KANK4: variants seen among roughly 807,000 people sequenced by gnomAD.
KANK4 encodes KN motif and ankyrin repeat domain-containing protein 4.
KANK4 carries 50 observed loss-of-function variants against 80.8 expected under a neutral mutation model. The ratio of observed to expected loss-of-function variants is 0.62; its 90% CI spans 0.49 to 0.78. The LOEUF (loss-of-function observed/expected upper bound fraction) is 0.78. Among genes scored for constraint, KANK4 ranks in the 30% least tolerant of loss-of-function variants. KANK4 has a pLI of 0.00. For synonymous variants in KANK4, 465 were observed against 506.9 expected (o/e 0.92, Z 1.11); for missense variants, 1,196 against 1,240.1 (o/e 0.96, Z 0.53).
chr1:62,276,592 A>G (rs1672319881), intron 2 of KANK4, among the ~76,000 whole-genome samples: 1 of 152,292 alleles, frequency 6.6e-6, no homozygotes, highest in East Asian at 1.9e-4. Context: ...CCTGGCCAAC[A>G]CGGTGAAACC....
At chr1:62,306,455 G>A (rs1468825584) in intron 1 of KANK4, among the ~76,000 whole-genome samples, 4 of 152,112 alleles carry the variant, frequency 2.6e-5, no homozygotes, top group African/African-American at 9.7e-5. Flanking sequence ...ATAAGAATAT[G>A]TAGTTACATA....
Position 62,259,307 on chromosome 1 carries a change from C to T in KANK4, c.2539+3785G>A, listed in dbSNP as rs1483404294. On this transcript the variant is annotated intron_variant, in intron 7 of 9. Transcript: ENST00000371153. ...TCTTTTTTTTTTTGAGTCCAGGTCT[C>T]GCTCTGTCACTCACACTGCAGTGCA... Among the ~76,000 whole-genome samples, 3 of 151,990 alleles carry T rather than the reference C, an allele frequency of 2.0e-5. No homozygotes were observed. In the East Asian group the frequency reaches 5.8e-4, roughly 29 times the overall value.
Position 62,237,262 on chromosome 1 carries a change from G to A in KANK4, c.*1015C>T, listed in dbSNP as rs1671226498. On this transcript the variant is annotated 3_prime_UTR_variant, in exon 10 of 10. Transcript: ENST00000371153. Reference sequence around the variant, plus strand: ...CCCAGGGAATATGGAAGCTTCGGAAGGTATTGCTCTGCCCTGCCTGGGTCC... The same window carrying A: ...CCCAGGGAATATGGAAGCTTCGGAAAGTATTGCTCTGCCCTGCCTGGGTCC... 6.6e-6 allele frequency: 1 copy of A among 151,712 alleles called. No homozygotes were observed. The highest frequency in any genetic ancestry group is 2.4e-5 in the African/African-American group (1 of 41,290). The allele number at this position is 151,712 out of a possible 1,614,324, so 9.4% of individuals were successfully genotyped here. A position where few individuals can be genotyped will look rare whatever the true frequency, so the allele number is the denominator to read the frequency against.
chr1:62,264,862 C>T (rs763768981), intron 6 of KANK4, among the ~76,000 whole-genome samples: 1 of 152,176 alleles, frequency 6.6e-6, no homozygotes, highest in Admixed American at 6.5e-5. Context: ...GACAGAGTCT[C>T]GCTCTGTGGC....
intron 2 of KANK4, among the ~76,000 whole-genome samples, chr1:62,279,196 G>GCACACACACACACA (rs1457451049): frequency 1.5e-4 from 8 of 51,662 alleles, no homozygotes; most frequent in African/African-American, 4.5e-4. Flanking sequence ...AAGCTAGCGC[G>GCACACACACACACA]CGCACACACA....
At chr1:62,307,469 G>A (rs1644461524) in intron 1 of KANK4, among the ~76,000 whole-genome samples, 1 of 106,780 alleles carries the variant, frequency 9.4e-6, no homozygotes, top group African/African-American at 3.9e-5. Context: ...GTGACAGAAA[G>A]AGACTCTGCC....
Position 62,247,683 on chromosome 1 carries a change from A to T in KANK4, c.2683-11T>A. The T allele has an allele frequency of 6.2e-7, 1 of 1,611,914 alleles. No individual in the cohort carries two copies. Among genetic ancestry groups the T allele is most frequent in the Admixed American group, 1.7e-5 (1 of 59,996 alleles). ...CGCAGTCTGGCCTCCCTGCATGCAG[A>T]GCCACAGGGATGTGGTGAGGTTGCT... On this transcript the variant is annotated splice_polypyrimidine_tract_variant and intron_variant, in intron 8 of 9. Coordinates refer to ENST00000371153, the MANE Select transcript of KANK4 (RefSeq NM_181712.5).
Position 62,273,274 on chromosome 1 carries a change from C to T in KANK4, c.1830G>A (p.Leu610=). 1 of 1,570,070 alleles carries T rather than the reference C, an allele frequency of 6.4e-7. No individual in the cohort carries two copies. ...GAGCCTGGGCCGAGTAGGCCGACAG[C>T]AGCAGGTTGAGGGAGCTCAGCAGCT... is the stretch of plus-strand genomic sequence containing the variant. The part of the protein sequence containing the change: ...QSQLLSSLNL[L]LSAYSAQAHP... Residue 610 remains leucine, a synonymous_variant, in exon 3 of 10, where the codon CTG becomes CTA. Transcript: ENST00000371153.
intron 3 of KANK4, 90 bp from the exon 4 acceptor site, chr1:62,271,679 T>C: frequency 1.0e-6 from 1 of 960,746 alleles, no homozygotes; most frequent in Non-Finnish European, 1.7e-6. Flanking sequence ...GGGACAAGGG[T>C]TGCAGGTGTG....
At chr1:62,257,173 C>T (rs1284552364) in intron 7 of KANK4, among the ~76,000 whole-genome samples, 3 of 150,886 alleles carry the variant, frequency 2.0e-5, no homozygotes, top group African/African-American at 2.4e-5. Context: ...CTGTAACCTC[C>T]GCCTCCTGGG....
rs549679500 is a variant in KANK4, at chr1:62,250,146, C to T, written c.2683-2474G>A. 2.0e-5 allele frequency among the ~76,000 whole-genome samples: 3 copies of T among 152,138 alleles called. No individual in the cohort carries two copies. In the South Asian group the frequency reaches 6.2e-4, roughly 32 times the overall value. The stretch of plus-strand genomic sequence containing the variant: ...GGGAATACAGGCGTGCATCACCACA[C>T]CCGGCTATTTTTTGTATTTTTAGTA... On this transcript the variant is annotated intron_variant, in intron 8 of 9. Coordinates refer to ENST00000371153, the MANE Select transcript of KANK4 (RefSeq NM_181712.5).
At chr1:62,272,951 C>T (rs183169247) in intron 3 of KANK4, among the ~76,000 whole-genome samples, 12 of 151,926 alleles carry the variant, frequency 7.9e-5, no homozygotes, top group Admixed American at 4.6e-4. Context: ...CCACCATGCC[C>T]GGCTAATTTT....
intron 3 of KANK4, chr1:62,271,856 G>A (rs1672171625): frequency 2.7e-6 from 1 of 369,044 alleles, no homozygotes; most frequent in African/African-American, 2.1e-5. Context: ...TGTTGTCCCT[G>A]TCTTACAGCT....
chr1:62,263,344 T>A (rs1296138082), intron 6 of KANK4, 33 bp from the exon 7 acceptor site: 2 of 1,551,392 alleles, frequency 1.3e-6, no homozygotes, highest in Non-Finnish European at 1.8e-6. Flanking sequence ...TTCCAAGAGG[T>A]TCCCCGGCCA....
intron 1 of KANK4, among the ~76,000 whole-genome samples, chr1:62,301,615 C>T (rs191288615): frequency 1.3e-5 from 2 of 150,576 alleles, no homozygotes; most frequent in African/African-American, 2.4e-5. Flanking sequence ...CCAGCTCTGC[C>T]ACTTACCAGT....
intron 9 of KANK4, among the ~76,000 whole-genome samples, chr1:62,238,931 C>T (rs1159597303): frequency 6.6e-6 from 1 of 152,036 alleles, no homozygotes; most frequent in Non-Finnish European, 1.5e-5. Flanking sequence ...AGCCCAGCCC[C>T]ACTTTTTTCT....
At chr1:62,288,608 AGGAG>A (rs1175359101) in intron 1 of KANK4, among the ~76,000 whole-genome samples, 1 of 152,234 alleles carries the variant, frequency 6.6e-6, no homozygotes, top group Non-Finnish European at 1.5e-5. Flanking sequence ...GCAGCCATCC[AGGAG>A]GGAAATCAGC....
At position 62,283,696 on chromosome 1, in the gene KANK4, G is replaced by A. The variant is rs548284048; in HGVS notation, c.-70-2062C>T. Among the ~76,000 whole-genome samples, 617 of 152,272 alleles carry A rather than the reference G, an allele frequency of 4.1e-3. 1 individual carries two copies. Among genetic ancestry groups the A allele is most frequent in the Non-Finnish European group, 6.5e-3 (444 of 68,016 alleles). On this transcript the variant is annotated intron_variant, in intron 1 of 9. Transcript: ENST00000371153. ...AGGAGAGCTCTGCTTCTCCAAGGCT[G>A]GAGAAGCTCCTACTGCAGAGGAGGG...
chr1:62,280,566 G>A (rs1557495081), intron 2 of KANK4, among the ~76,000 whole-genome samples: 2 of 152,162 alleles, frequency 1.3e-5, no homozygotes, highest in Non-Finnish European at 2.9e-5. Context: ...GTGATTCAAG[G>A]GGAATTAGAG....
Sources: allele counts gnomAD v4.1 joint callset (sites outside exome capture counted in the v4.1 genomes callset), GRCh38; gene constraint gnomAD v4.1.1; transcripts MANE v1.5; gene names NCBI Gene and HGNC (gene_info 2026-07-23, HGNC 2026-07-21).